The following JAKMIP1 variants were observed in gnomAD, a reference collection of about 807,000 sequenced individuals.
JAKMIP1 encodes the protein janus kinase and microtubule interacting protein 1.
A neutral mutation model predicts 113.0 loss-of-function variants in JAKMIP1; 33 were observed. The ratio of observed to expected loss-of-function variants is 0.29; its 90% CI spans 0.22 to 0.39. JAKMIP1 has a LOEUF of 0.39. Ranked by LOEUF, JAKMIP1 falls within the 10% of genes least tolerant of loss-of-function variation. JAKMIP1 has a pLI of 1.00. For synonymous variants in JAKMIP1, 480 were observed against 459.9 expected (o/e 1.04, Z -0.56); for missense variants, 813 against 1,080.5 (o/e 0.75, Z 3.47).
At chr4:6,122,666 G>A (rs993331925) in intron 1 of JAKMIP1, among the ~76,000 whole-genome samples, 6 of 152,186 alleles carry the variant, frequency 3.9e-5, no homozygotes, top group African/African-American at 7.2e-5. Context: ...TGCGGGAGAC[G>A]TCAGTTCATA....
intron 1 of JAKMIP1, among the ~76,000 whole-genome samples, chr4:6,171,489 G>C (rs1724708869): frequency 6.6e-6 from 1 of 151,992 alleles, no homozygotes. Context: ...AGCAGGCATT[G>C]CCAATGTGTG....
intron 1 of JAKMIP1, among the ~76,000 whole-genome samples, chr4:6,195,438 C>G (rs1296967651): frequency 6.6e-6 from 1 of 152,076 alleles, no homozygotes; most frequent in Non-Finnish European, 1.5e-5. Context: ...AGTACATTAA[C>G]CATGATGAAA....
intron 3 of JAKMIP1, among the ~76,000 whole-genome samples, chr4:6,090,896 G>A (rs943709614): frequency 1.3e-5 from 2 of 149,928 alleles, no homozygotes; most frequent in Admixed American, 6.6e-5. Flanking sequence ...TGACCATGAC[G>A]TCCTTAGAGT....
Position 6,036,102 on chromosome 4 carries a change from G to T in JAKMIP1, c.2181C>A (p.Ile727=). 2 of 1,548,722 alleles carry T rather than the reference G, an allele frequency of 1.3e-6. No homozygotes were observed. Among genetic ancestry groups the T allele is most frequent in the Non-Finnish European group, 1.7e-6 (2 of 1,144,112 alleles). Residue 727 remains isoleucine, a synonymous_variant, in exon 19 of 21, where the codon ATC becomes ATA. Coordinates refer to ENST00000409021, the MANE Select transcript of JAKMIP1 (RefSeq NM_001099433.2). ...TGTACAGTGTGGCCTCCAGGTCTTG[G>T]ATTTTCTGAGGACCCCAGATCACAC... The part of the protein sequence containing the change: ...KQALDQAYLK[I]QDLEATLYTA...
intron 3 of JAKMIP1, among the ~76,000 whole-genome samples, chr4:6,092,216 A>G (rs2108844587): frequency 6.6e-6 from 1 of 152,236 alleles, no homozygotes; most frequent in African/African-American, 2.4e-5. Context: ...GTGTGGTGGA[A>G]TCCCGGCCAG....
intron 1 of JAKMIP1, among the ~76,000 whole-genome samples, chr4:6,146,080 T>C (rs948174386): frequency 6.6e-6 from 1 of 152,106 alleles, no homozygotes; most frequent in African/African-American, 2.4e-5. Context: ...CAGTGGAATA[T>C]TCAGCTTTAA....
rs1289709941 is a variant in JAKMIP1 at position 6,069,493 on chromosome 4, A to G, written c.1303-4485T>C. Reference sequence around the variant, plus strand: ...GCCGGGCACAGTGGCTCATGCCTGTAATCCCAGCACTTTGGGAGGCTGAGG... The same window carrying G: ...GCCGGGCACAGTGGCTCATGCCTGTGATCCCAGCACTTTGGGAGGCTGAGG... On this transcript the variant is annotated intron_variant, in intron 8 of 20. Transcript: ENST00000409021. The surrounding 1 kb of genome is among the most constrained non-coding windows in gnomAD (Gnocchi z 4.5). Among the ~76,000 whole-genome samples, 1 of 152,226 alleles carries G rather than the reference A, an allele frequency of 6.6e-6. No individual in the cohort carries two copies. The highest frequency in any genetic ancestry group is 1.5e-5 in the Non-Finnish European group (1 of 68,044).
rs1410108561 is a variant in JAKMIP1 at position 6,076,655 on chromosome 4, A to C, written c.1302+2284T>G. ...TGTGGCCCACAGGTATATATTTTAC[A>C]GGCTGAGTGTCCTTTATCTGAAATA... is the stretch of plus-strand genomic sequence containing the variant. On this transcript the variant is annotated intron_variant, in intron 8 of 20. Coordinates refer to ENST00000409021, the MANE Select transcript of JAKMIP1 (RefSeq NM_001099433.2). This position sits in a 1 kb window ranked among gnomAD's most constrained non-coding sequence, Gnocchi z 4.8. 6.6e-6 allele frequency among the ~76,000 whole-genome samples: 1 copy of C among 152,186 alleles called. No individual in the cohort carries two copies. The highest frequency in any genetic ancestry group is 1.5e-5 in the Non-Finnish European group (1 of 68,040).
In JAKMIP1 at chr4:6,197,908, C is replaced by G. The variant is rs953685183; in HGVS notation, c.-148+2345G>C. Among the ~76,000 whole-genome samples, 1 of 152,248 alleles carries G rather than the reference C, an allele frequency of 6.6e-6. No homozygotes were observed. Among genetic ancestry groups the G allele is most frequent in the African/African-American group, 2.4e-5 (1 of 41,458 alleles). ...CCACTTGTCCCACAGCCCAATCCAC[C>G]CTTACACACCAAGAGAGTGGGGCCA... is the stretch of plus-strand genomic sequence containing the variant. On this transcript the variant is annotated intron_variant, in intron 1 of 20. Coordinates refer to ENST00000409021, the MANE Select transcript of JAKMIP1 (RefSeq NM_001099433.2). This position sits in a 1 kb window ranked among gnomAD's most constrained non-coding sequence, Gnocchi z 6.5.
Position 6,040,865 on chromosome 4 carries a change from C to T in JAKMIP1, c.2098-149G>A. ...TGGTGGTCTTCCCCGTTTGCCCCCA[C>T]ATGAATCACCCAGCAGGAGCCTCAC... On this transcript the variant is annotated intron_variant, in intron 17 of 20. Coordinates refer to ENST00000409021, the MANE Select transcript of JAKMIP1 (RefSeq NM_001099433.2). The surrounding 1 kb of genome is among the most constrained non-coding windows in gnomAD (Gnocchi z 5.8). 3.0e-6 allele frequency: 2 copies of T among 669,866 alleles called. No homozygotes were observed. Among genetic ancestry groups the T allele is most frequent in the Non-Finnish European group, 5.4e-6 (2 of 373,590 alleles). The allele number at this position is 669,866 out of a possible 1,614,324, so 41.5% of individuals were successfully genotyped here. A position where few individuals can be genotyped will look rare whatever the true frequency, so the allele number is the denominator to read the frequency against.
Position 6,157,506 on chromosome 4 carries a change from CA to C in JAKMIP1, c.-148+42746del, listed in dbSNP as rs1210160358. ...AATTTTCAAATCAAACTTCAGCGTA[CA>C]CTTTCCGTAACACCTTTTTTGACTA... On this transcript the variant is annotated intron_variant, in intron 1 of 20. Transcript: ENST00000409021. The surrounding 1 kb of genome is among the most constrained non-coding windows in gnomAD (Gnocchi z 4.7). Among the ~76,000 whole-genome samples, 1 of 152,206 alleles carries C rather than the reference CA, an allele frequency of 6.6e-6. No individual in the cohort carries two copies. Among genetic ancestry groups the C allele is most frequent in the Non-Finnish European group, 1.5e-5 (1 of 68,040 alleles).
In JAKMIP1 at chr4:6,138,440, T is replaced by G. The variant is rs1266966443; in HGVS notation, c.-147-25443A>C. On this transcript the variant is annotated intron_variant, in intron 1 of 20. Transcript: ENST00000409021. The surrounding 1 kb of genome is among the most constrained non-coding windows in gnomAD (Gnocchi z 6.0). ...TTAGTAGAGATGGGGTTTCGCCATG[T>G]TGACCAGGCTGGTCTCAAACTCCTG... Among the ~76,000 whole-genome samples the G allele has an allele frequency of 6.6e-6, 1 of 151,642 alleles. No homozygotes were observed. Among genetic ancestry groups the G allele is most frequent in the South Asian group, 2.1e-4 (1 of 4,826 alleles).
intron 3 of JAKMIP1, among the ~76,000 whole-genome samples, chr4:6,085,855 T>C (rs1049598947): frequency 1.1e-4 from 16 of 152,190 alleles, no homozygotes; most frequent in Admixed American, 6.5e-5. Flanking sequence ...TTGAAGCACA[T>C]ACATATTCAA....
Position 6,140,833 on chromosome 4 carries a change from G to A in JAKMIP1, c.-147-27836C>T, listed in dbSNP as rs1189580835. 1.3e-5 allele frequency among the ~76,000 whole-genome samples: 2 copies of A among 152,184 alleles called. No individual in the cohort carries two copies. The highest frequency in any genetic ancestry group is 2.9e-5 in the Non-Finnish European group (2 of 68,048). On this transcript the variant is annotated intron_variant, in intron 1 of 20. Transcript: ENST00000409021. The surrounding 1 kb of genome is among the most constrained non-coding windows in gnomAD (Gnocchi z 9.4). ...TAATAAAGAAAATTACTGACCTCAG[G>A]TCAGCCACAGGCACTGGTTGGAGCT...
intron 12 of JAKMIP1, 70 bp from the exon 13 acceptor site, chr4:6,054,218 T>C: frequency 7.5e-6 from 11 of 1,474,070 alleles, no homozygotes; most frequent in Non-Finnish European, 9.4e-6. Context: ...ACAGGCCACC[T>C]GACTGAGTGG....
In JAKMIP1 at chr4:6,031,496, G is replaced by A. The variant is rs1278292643; in HGVS notation, c.2380-1715C>T. Reference sequence around the variant, plus strand: ...GGAGACGTGGAACCCAGCAGGGTTAGTTCACCAGATGCACAAGAGGGGAAA... The same window carrying A: ...GGAGACGTGGAACCCAGCAGGGTTAATTCACCAGATGCACAAGAGGGGAAA... On this transcript the variant is annotated intron_variant, in intron 19 of 20. Transcript: ENST00000409021. This position sits in a 1 kb window ranked among gnomAD's most constrained non-coding sequence, Gnocchi z 4.4. Among the ~76,000 whole-genome samples the A allele has an allele frequency of 1.3e-5, 2 of 152,166 alleles. No homozygotes were observed. Among genetic ancestry groups the A allele is most frequent in the Admixed American group, 6.5e-5 (1 of 15,282 alleles).
rs1448425428 is a variant in JAKMIP1 at position 6,089,283 on chromosome 4, C to G, written c.625-3654G>C. On this transcript the variant is annotated intron_variant, in intron 3 of 20. Coordinates refer to ENST00000409021, the MANE Select transcript of JAKMIP1 (RefSeq NM_001099433.2). The surrounding 1 kb of genome is among the most constrained non-coding windows in gnomAD (Gnocchi z 5.3). ...CCATGACTTCAGTTGGGGGAGCCAA[C>G]AGACACCCATGGCCTAAGCTGGTTT... Among the ~76,000 whole-genome samples the G allele has an allele frequency of 6.6e-6, 1 of 152,222 alleles. No individual in the cohort carries two copies. The highest frequency in any genetic ancestry group is 1.5e-5 in the Non-Finnish European group (1 of 68,040).
rs923242518 is a variant in JAKMIP1, at chr4:6,199,710, G to C, written c.-148+543C>G. ...CGTGCGTGGGGTGGGGTGCGGGCTG[G>C]GCGGCCTCGCCTTCGGGCCCCGCGC... On this transcript the variant is annotated intron_variant, in intron 1 of 20. Transcript: ENST00000409021. This position sits in a 1 kb window ranked among gnomAD's most constrained non-coding sequence, Gnocchi z 5.6. Among the ~76,000 whole-genome samples the C allele has an allele frequency of 6.6e-6, 1 of 151,568 alleles. No individual in the cohort carries two copies. The highest frequency in any genetic ancestry group is 1.5e-5 in the Non-Finnish European group (1 of 67,864).
chr4:6,122,659 G>A (rs1223991824), intron 1 of JAKMIP1, among the ~76,000 whole-genome samples: 3 of 152,184 alleles, frequency 2.0e-5, no homozygotes, highest in African/African-American at 4.8e-5. Context: ...TCTAGGATGC[G>A]GGAGACGTCA....
Sources: gnomAD v4.1 joint callset for allele counts (sites outside exome capture counted in the v4.1 genomes callset) on GRCh38, gnomAD v4.1.1 for gene constraint, Gnocchi (gnomAD v3.1) non-coding constraint, MANE v1.5 for transcripts, NCBI Gene and HGNC (gene_info 2026-07-23, HGNC 2026-07-21) for gene names.